The following AFG2A variants were observed in gnomAD, a reference collection of about 807,000 sequenced individuals.
AFG2A encodes the protein ATPase family gene 2 protein homolog A.
the AFG2A span, among the ~76,000 whole-genome samples, chr4:123,046,298 G>A: frequency 6.6e-6 from 1 of 152,052 alleles, no homozygotes; most frequent in Non-Finnish European, 1.5e-5. Flanking sequence ...TGTGCTCTTG[G>A]CATTAATTAA....
At chr4:123,108,880 A>G in the AFG2A span, among the ~76,000 whole-genome samples, 275 of 152,178 alleles carry the variant, frequency 1.8e-3, no homozygotes, top group African/African-American at 6.2e-3. Context: ...TTTTTTAAAT[A>G]TGTGTGTTTT....
chr4:123,289,765 T>A, the AFG2A span, among the ~76,000 whole-genome samples: 23 of 150,408 alleles, frequency 1.5e-4, no homozygotes, highest in African/African-American at 5.1e-4. Flanking sequence ...TAATTTGGAG[T>A]TCTCTGATGA....
chr4:123,186,278 G>A, the AFG2A span, among the ~76,000 whole-genome samples: 2 of 152,142 alleles, frequency 1.3e-5, no homozygotes, highest in Non-Finnish European at 1.5e-5. Flanking sequence ...AAATAGTGTA[G>A]TAATATTGAT....
chr4:123,094,998 A>G, the AFG2A span, among the ~76,000 whole-genome samples: 1 of 145,406 alleles, frequency 6.9e-6, no homozygotes, highest in Non-Finnish European at 1.5e-5. Context: ...AAGGTCCCTC[A>G]TACAAAATCA....
chr4:122,985,387 T>C, the AFG2A span, among the ~76,000 whole-genome samples: 1,841 of 152,212 alleles, frequency 0.012, 43 homozygotes, highest in African/African-American at 0.041. Context: ...CCTCGGCCTC[T>C]GAATGTGCTG....
At chr4:123,091,445 T>C in the AFG2A span, among the ~76,000 whole-genome samples, 2 of 152,220 alleles carry the variant, frequency 1.3e-5, no homozygotes, top group African/African-American at 4.8e-5. Context: ...CTCTAGAGAA[T>C]TGAAGTTTTG....
At chr4:123,272,272 C>T in the AFG2A span, among the ~76,000 whole-genome samples, 1 of 152,130 alleles carries the variant, frequency 6.6e-6, no homozygotes, top group East Asian at 1.9e-4. Flanking sequence ...AAATAGCCAC[C>T]GTGAGCTCAG....
chr4:123,083,569 T>C, the AFG2A span, among the ~76,000 whole-genome samples: 3 of 151,316 alleles, frequency 2.0e-5, no homozygotes, highest in African/African-American at 7.3e-5. Context: ...CTTTTTTTTT[T>C]TTTTCTTTTT....
the AFG2A span, among the ~76,000 whole-genome samples, chr4:123,051,615 G>C: frequency 4.8e-5 from 2 of 41,620 alleles, no homozygotes; most frequent in Non-Finnish European, 9.3e-5. Context: ...TATAGGACAG[G>C]TCTAGTAGTG....
the AFG2A span, among the ~76,000 whole-genome samples, chr4:122,972,484 G>A: frequency 2.0e-5 from 3 of 147,164 alleles, no homozygotes; most frequent in African/African-American, 7.5e-5. Flanking sequence ...TTTTCTTTTA[G>A]GTTTAATTTC....
chr4:123,174,100 A>G, the AFG2A span, among the ~76,000 whole-genome samples: 8,733 of 152,266 alleles, frequency 0.057, 435 homozygotes, highest in African/African-American at 0.13. Context: ...TAGAACTAGA[A>G]GAAGCAAGCT....
the AFG2A span, among the ~76,000 whole-genome samples, chr4:123,129,667 A>T: frequency 6.6e-6 from 1 of 152,152 alleles, no homozygotes; most frequent in East Asian, 1.9e-4. Context: ...TTACATATTT[A>T]TTCTGGTCTG....
At chr4:122,957,729 TTTG>T in the AFG2A span, among the ~76,000 whole-genome samples, 6 of 152,116 alleles carry the variant, frequency 3.9e-5, no homozygotes, top group Non-Finnish European at 5.9e-5. Context: ...ACATCTGTTT[TTTG>T]TTGTTGTTGT....
At chr4:123,037,063 C>G in the AFG2A span, among the ~76,000 whole-genome samples, 1 of 151,902 alleles carries the variant, frequency 6.6e-6, no homozygotes, top group Non-Finnish European at 1.5e-5. Context: ...CGTGCCTTCC[C>G]CAGACACTTT....
the AFG2A span, among the ~76,000 whole-genome samples, chr4:123,289,906 G>T: frequency 6.6e-6 from 1 of 151,782 alleles, no homozygotes; most frequent in Non-Finnish European, 1.5e-5. Flanking sequence ...TGTTGTGCAG[G>T]TTACATAGGT....
the AFG2A span, among the ~76,000 whole-genome samples, chr4:122,982,867 T>C: frequency 2.2e-4 from 30 of 137,458 alleles, no homozygotes; most frequent in African/African-American, 6.7e-4. Context: ...TCTTCTTCTT[T>C]TTTTTTTTTT....
the AFG2A span, among the ~76,000 whole-genome samples, chr4:122,956,354 A>G: frequency 6.6e-6 from 1 of 152,226 alleles, no homozygotes; most frequent in Non-Finnish European, 1.5e-5. Flanking sequence ...AGACAGACTC[A>G]AGAAAGGCCT....
the AFG2A span, among the ~76,000 whole-genome samples, chr4:123,068,467 T>G: frequency 3.9e-5 from 6 of 152,178 alleles, no homozygotes; most frequent in Non-Finnish European, 7.4e-5. Flanking sequence ...TGCCTTTTAT[T>G]TAGAAGTACC....
chr4:123,298,184 A>G, the AFG2A span, among the ~76,000 whole-genome samples: 1 of 152,162 alleles, frequency 6.6e-6, no homozygotes, highest in Admixed American at 6.5e-5. Context: ...CATCATAGTG[A>G]CAACTAGACT....
Sources: allele counts gnomAD v4.1 joint callset (sites outside exome capture counted in the v4.1 genomes callset), GRCh38; gene constraint gnomAD v4.1.1; transcripts MANE v1.5; gene names NCBI Gene and HGNC (gene_info 2026-07-23, HGNC 2026-07-21).